Variants in PPP1R3F observed in about 807,000 individuals in gnomAD.
The protein encoded by PPP1R3F is protein phosphatase 1, regulatory (inhibitor) subunit 3F.
In PPP1R3F, 29 loss-of-function variants were observed where a neutral mutation model predicts 24.2. The ratio of observed to expected loss-of-function variants is 1.20; its 90% confidence interval spans 0.89 to 1.63. The LOEUF is 1.63. PPP1R3F is among the 40% of genes most tolerant of loss of function. The pLI is 0.00. For missense variants in PPP1R3F, 823 were observed against 729.3 expected, an observed-to-expected ratio of 1.13 and a Z score of -1.48; for synonymous variants, 363 against 340.1, an observed-to-expected ratio of 1.07 and a Z score of -0.74.
chrX:49,286,328 C>T lies in PPP1R3F; in HGVS notation c.1638C>T (p.Asn546=), dbSNP rs2066283730. Residue 546 remains asparagine (N), a synonymous_variant, in exon 4 of 4, where the codon AAC becomes AAT. Coordinates refer to ENST00000055335, the MANE Select transcript of PPP1R3F (RefSeq NM_033215.5). Reference sequence around the variant, plus strand: ...GGCCTGGCCCTGAGCGGGCCCTGAACAGCGCCCTGGCTGAGGAGATCACGC... The same window carrying T: ...GGCCTGGCCCTGAGCGGGCCCTGAATAGCGCCCTGGCTGAGGAGATCACGC... The part of the protein sequence containing the change: ...LKWPGPERAL[N]SALAEEITLH... 3 of 1,207,213 alleles carry T rather than the reference C, an allele frequency of 2.5e-6. No individual in the cohort carries two copies. The highest frequency in any genetic ancestry group is 3.5e-5 in the African/African-American group (2 of 57,486).
At chrX:49,279,883 G>T (rs1166823299) in intron 1 of PPP1R3F, among the ~76,000 whole-genome samples, 2 of 112,415 alleles carry the variant, frequency 1.8e-5, no homozygotes, top group Non-Finnish European at 3.8e-5. Context: ...CCACCCCTGG[G>T]AGGACCCACC....
rs782245307 is a variant in PPP1R3F at position 49,270,528 on chromosome X, CGGGGCTCGGCCT to C, written c.663_674del (p.Leu222_Gly225del). The stretch of plus-strand genomic sequence containing the variant: ...GGAGCAGGAGATCCCATCCTGGATC[CGGGGCTCGGCCT>C]GGGTCCCGGCCAGGCATCCGCCTCC... On this transcript the variant is annotated inframe_deletion, in exon 1 of 4. Coordinates refer to ENST00000055335, the MANE Select transcript of PPP1R3F (RefSeq NM_033215.5). 3 of 1,204,208 alleles carry C rather than the reference CGGGGCTCGGCCT, an allele frequency of 2.5e-6. No homozygotes were observed. Among genetic ancestry groups the C allele is most frequent in the Admixed American group, 4.3e-5 (2 of 45,992 alleles).
At chrX:49,272,082 A>G (rs908426168) in intron 1 of PPP1R3F, among the ~76,000 whole-genome samples, 1 of 112,185 alleles carries the variant, frequency 8.9e-6, no homozygotes, top group Admixed American at 9.4e-5. Context: ...TGGACCTTGT[A>G]TGTATACGCT....
chrX:49,281,846 T>G, intron 2 of PPP1R3F, 135 bp from the exon 3 acceptor site: 2 of 464,771 alleles, frequency 4.3e-6, no homozygotes, highest in Non-Finnish European at 7.4e-6. Flanking sequence ...AATGAAGGGG[T>G]ACCCTCTGCT....
chrX:49,274,357 C>G (rs782597633), intron 1 of PPP1R3F: 2 of 112,081 alleles, frequency 1.8e-5, no homozygotes, highest in Non-Finnish European at 3.8e-5. Flanking sequence ...CCAATCTGGC[C>G]TCCACTGGCT....
At position 49,270,417 on chromosome X, in the gene PPP1R3F, C is replaced by A. The variant is rs1557118829; in HGVS notation, c.548C>A (p.Ala183Asp). The change falls in exon 1 of 4, where the codon GCC (alanine) becomes GAC (aspartate). Residue 183 changes from alanine (A) to aspartate (D), a missense_variant. By Grantham distance (126) the Ala-to-Asp change is moderately radical. Coordinates refer to ENST00000055335, the MANE Select transcript of PPP1R3F (RefSeq NM_033215.5). ...RSFEKAVHVR[A>D]SHDGWASFCD... The stretch of plus-strand genomic sequence containing the variant: ...TTCGAGAAGGCGGTGCACGTGCGGG[C>A]CTCACACGACGGCTGGGCTTCCTTT... 1.7e-6 allele frequency: 2 copies of A among 1,184,443 alleles called. No individual in the cohort carries two copies. Among genetic ancestry groups the A allele is most frequent in the Non-Finnish European group, 1.1e-6 (1 of 887,401 alleles).
At chrX:49,278,211 T>TA (rs1395058295) in intron 1 of PPP1R3F, among the ~76,000 whole-genome samples, 1 of 112,136 alleles carries the variant, frequency 8.9e-6, no homozygotes, top group African/African-American at 3.2e-5. Context: ...CAGTGGCTTT[T>TA]AGAAGCCTGT....
At chrX:49,299,093 T>C (rs1261844253) in intron 3 of PPP1R3F, among the ~76,000 whole-genome samples, 1 of 111,185 alleles carries the variant, frequency 9.0e-6, no homozygotes, top group Non-Finnish European at 1.9e-5. Flanking sequence ...GCATTCTGGG[T>C]TTTGCAATTT....
Position 49,293,338 on chromosome X carries a change from G to A in PPP1R3F, c.393-8013G>A, listed in dbSNP as rs1447576661. On this transcript the variant is annotated intron_variant, in intron 3 of 3. Coordinates refer to the PPP1R3F transcript ENST00000471261. ...TTATTATACTCCTATTGGATGTTTA[G>A]GTAGTGTTCGATTTGCTTTTTTGCC... is the stretch of plus-strand genomic sequence containing the variant. Among the ~76,000 whole-genome samples, 6 of 112,422 alleles carry A rather than the reference G, an allele frequency of 5.3e-5. No homozygotes were observed. The Admixed American group carries it at 5.6e-4, about 11-fold the overall frequency.
intron 3 of PPP1R3F, among the ~76,000 whole-genome samples, chrX:49,297,156 C>G (rs1311558833): frequency 7.3e-5 from 8 of 108,855 alleles, no homozygotes; most frequent in Non-Finnish European, 1.5e-4. Context: ...GTCTAAGTCT[C>G]TTTGTAGGTC....
chrX:49,290,688 G>A (rs2066305890), downstream of PPP1R3F, among the ~76,000 whole-genome samples: 1 of 111,823 alleles, frequency 8.9e-6, no homozygotes, highest in African/African-American at 3.3e-5. Flanking sequence ...AACAGGGGCT[G>A]GAGCGACACA....
At chrX:49,284,610 C>T (rs1323307793) in intron 3 of PPP1R3F, among the ~76,000 whole-genome samples, 3 of 102,571 alleles carry the variant, frequency 2.9e-5, no homozygotes, top group Non-Finnish European at 5.9e-5. Context: ...CTTCTGGGTT[C>T]AAGCAATTCT....
Position 49,286,312 on chromosome X carries a change from C to T in PPP1R3F, c.1622C>T (p.Pro541Leu). ...GACCTGATCTTGAAGTGGCCTGGCC[C>T]TGAGCGGGCCCTGAACAGCGCCCTG... ...DRDLILKWPGPERALNSALAE... is the reference protein window; with the variant it reads ...DRDLILKWPGLERALNSALAE... The change falls in exon 4 of 4, where the codon CCT becomes CTT. Residue 541 changes from proline to leucine, a missense_variant. Coordinates refer to ENST00000055335, the MANE Select transcript of PPP1R3F (RefSeq NM_033215.5). 1 of 1,210,529 alleles carries T rather than the reference C, an allele frequency of 8.3e-7. No homozygotes were observed. Among genetic ancestry groups the T allele is most frequent in the Non-Finnish European group, 1.1e-6 (1 of 894,769 alleles).
intron 3 of PPP1R3F, among the ~76,000 whole-genome samples, chrX:49,299,574 G>A (rs180903288): frequency 8.9e-6 from 1 of 112,151 alleles, no homozygotes; most frequent in African/African-American, 3.2e-5. Context: ...AGAGCCAGCA[G>A]GCAGGAACAT....
chrX:49,278,912 T>C (rs2066230584), intron 1 of PPP1R3F, among the ~76,000 whole-genome samples: 1 of 112,483 alleles, frequency 8.9e-6, no homozygotes, highest in Non-Finnish European at 1.9e-5. Flanking sequence ...GACCCCAGTC[T>C]CCCTCATCCA....
chrX:49,285,579 C>T lies in PPP1R3F; in HGVS notation c.1144-255C>T, dbSNP rs77299494. 3.7e-3 allele frequency among the ~76,000 whole-genome samples: 416 copies of T among 112,034 alleles called. 11 individuals are homozygous for T. In the East Asian group the frequency reaches 0.077, roughly 21 times the overall value. On this transcript the variant is annotated intron_variant, in intron 3 of 3. Coordinates refer to ENST00000055335, the MANE Select transcript of PPP1R3F (RefSeq NM_033215.5). ...GTGATGATCATTCACCAAATATTCACACCCACCGAATTCCTCAGCTTTATA... is the reference window on the plus strand; with the variant it reads ...GTGATGATCATTCACCAAATATTCATACCCACCGAATTCCTCAGCTTTATA...
chrX:49,291,882 CT>C (rs1288638269), downstream of PPP1R3F, among the ~76,000 whole-genome samples: 2 of 111,022 alleles, frequency 1.8e-5, no homozygotes, highest in African/African-American at 6.6e-5. Flanking sequence ...TCTGCTTCCC[CT>C]CTTCAGTGTT....
At position 49,270,649 on chromosome X, in the gene PPP1R3F, C is replaced by T. The variant is rs1557119012; in HGVS notation, c.780C>T (p.Asp260=). 18 of 1,207,814 alleles carry T rather than the reference C, an allele frequency of 1.5e-5. 1 individual carries two copies. In the Middle Eastern group the frequency reaches 2.3e-3, roughly 154 times the overall value. Residue 260 remains aspartate (D), a synonymous_variant, in exon 1 of 4, where the codon GAC becomes GAT. Transcript: ENST00000055335. ...AEGAGDGARL[D]FVVRYETPEG... ...GCGCGGGCGATGGGGCGCGCCTCGA[C>T]TTCGTGGTGCGCTATGAGACCCCTG...
intron 1 of PPP1R3F, chrX:49,280,787 T>G (rs2066244042): frequency 9.0e-6 from 1 of 111,627 alleles, no homozygotes; most frequent in African/African-American, 3.3e-5. Context: ...CCTCAAGTGG[T>G]CTCCCTGCCT....
Sources: gnomAD v4.1 joint callset for allele counts (sites outside exome capture counted in the v4.1 genomes callset) on GRCh38, gnomAD v4.1.1 for gene constraint, MANE v1.5 for transcripts, NCBI Gene and HGNC (gene_info 2026-07-23, HGNC 2026-07-21) for gene names.